DNAJC12: variants seen among roughly 807,000 people sequenced by gnomAD.
DNAJC12 encodes dnaJ homolog subfamily C member 12.
DNAJC12 carries 25 observed loss-of-function variants against 28.5 expected under a neutral mutation model. The observed-to-expected ratio is 0.88, with a 90% CI of 0.64 to 1.22. The LOEUF is 1.22. Among genes scored for constraint, DNAJC12 ranks in the 50% most tolerant of loss-of-function variants. The probability of loss-of-function intolerance (pLI) is 0.00; values close to 1 mark genes in which losing one functional copy is unlikely to be tolerated. For synonymous variants in DNAJC12, 77 were observed against 80.6 expected (o/e 0.95, Z 0.24); for missense variants, 222 against 231.7 (o/e 0.96, Z 0.27).
chr10:67,824,195 C>A (rs1399326240), intron 1 of DNAJC12, among the ~76,000 whole-genome samples: 1 of 150,418 alleles, frequency 6.6e-6, no homozygotes, highest in Non-Finnish European at 1.5e-5. Context: ...AAGATCACAC[C>A]ACTGCACTCC....
intron 2 of DNAJC12, among the ~76,000 whole-genome samples, chr10:67,819,700 AAGGAAGGAAGGAAGGAAGC>A (rs1564863284): frequency 0.015 from 308 of 20,926 alleles, 32 homozygotes; most frequent in African/African-American, 0.033. Flanking sequence ...GAAAGAAAGG[AAGGAAGGAAGGAAGGAAGC>A]AAGGAAGGAA....
intron 4 of DNAJC12, among the ~76,000 whole-genome samples, chr10:67,798,992 T>C (rs1004767361): frequency 6.6e-6 from 1 of 152,068 alleles, no homozygotes; most frequent in African/African-American, 2.4e-5. Flanking sequence ...CTCAAATTCC[T>C]GACCTCAGGT....
At chr10:67,825,114 A>C (rs1462835714) in intron 1 of DNAJC12, among the ~76,000 whole-genome samples, 2 of 152,210 alleles carry the variant, frequency 1.3e-5, no homozygotes, top group African/African-American at 4.8e-5. Context: ...AGGTTTACTC[A>C]TCTTTACATC....
intron 1 of DNAJC12, among the ~76,000 whole-genome samples, chr10:67,834,690 A>T (rs1054105960): frequency 6.6e-6 from 1 of 152,170 alleles, no homozygotes; most frequent in African/African-American, 2.4e-5. Context: ...AGCTGGGCAT[A>T]GTGGCATGCA....
chr10:67,806,072 A>C (rs953994291), intron 3 of DNAJC12, among the ~76,000 whole-genome samples: 2 of 152,214 alleles, frequency 1.3e-5, no homozygotes, highest in African/African-American at 4.8e-5. Flanking sequence ...GAATGAATGG[A>C]GGGATGGATG....
At chr10:67,832,265 C>CAAAAAAAA in intron 1 of DNAJC12, among the ~76,000 whole-genome samples, 1 of 67,408 alleles carries the variant, frequency 1.5e-5, no homozygotes, top group Non-Finnish European at 3.0e-5. Context: ...AACTCCATCT[C>CAAAAAAAA]AAAAAAAAAA....
At chr10:67,836,820 C>A (rs573948743) in intron 1 of DNAJC12, among the ~76,000 whole-genome samples, 1 of 151,498 alleles carries the variant, frequency 6.6e-6, no homozygotes, top group East Asian at 1.9e-4. Context: ...TGAACTACTG[C>A]CTTTATGAAA....
At chr10:67,800,368 C>T (rs1035057568) in intron 4 of DNAJC12, among the ~76,000 whole-genome samples, 1 of 152,026 alleles carries the variant, frequency 6.6e-6, no homozygotes, top group Non-Finnish European at 1.5e-5. Flanking sequence ...CAAATGATCC[C>T]ACTGGGGAAC....
intron 1 of DNAJC12, among the ~76,000 whole-genome samples, chr10:67,830,786 A>G (rs2131815018): frequency 6.6e-6 from 1 of 152,312 alleles, no homozygotes; most frequent in African/African-American, 2.4e-5. Flanking sequence ...AAATCAAGAC[A>G]TAGAAAAATT....
At chr10:67,798,827 G>A (rs1021186680) in intron 4 of DNAJC12, among the ~76,000 whole-genome samples, 14 of 149,048 alleles carry the variant, frequency 9.4e-5, no homozygotes, top group Admixed American at 7.4e-4. Context: ...GTGCAATGGC[G>A]CGATCTCAGC....
chr10:67,829,556 G>C (rs1382712726), intron 1 of DNAJC12, among the ~76,000 whole-genome samples: 1 of 152,164 alleles, frequency 6.6e-6, no homozygotes, highest in Non-Finnish European at 1.5e-5. Context: ...AAGGAGAATG[G>C]CGTGAATCTG....
intron 4 of DNAJC12, among the ~76,000 whole-genome samples, chr10:67,803,472 T>C (rs1363550740): frequency 1.3e-5 from 2 of 152,256 alleles, no homozygotes; most frequent in African/African-American, 2.4e-5. Flanking sequence ...AACCTGGCTA[T>C]ATATGATTCT....
At chr10:67,801,671 T>A (rs1450952423) in intron 4 of DNAJC12, among the ~76,000 whole-genome samples, 2 of 151,476 alleles carry the variant, frequency 1.3e-5, no homozygotes, top group East Asian at 3.9e-4. Flanking sequence ...GTGCCTGTAA[T>A]CCCAGCTACT....
At position 67,818,307 on chromosome 10, in the gene DNAJC12, C is replaced by T. The variant is rs531400327; in HGVS notation, c.157+5007G>A. Among the ~76,000 whole-genome samples the T allele has an allele frequency of 4.6e-5, 7 of 152,260 alleles. No individual in the cohort carries two copies. The South Asian group carries it at 1.2e-3, about 27-fold the overall frequency. On this transcript the variant is annotated intron_variant, in intron 2 of 4. Coordinates refer to ENST00000225171, the MANE Select transcript of DNAJC12 (RefSeq NM_021800.3). Reference sequence around the variant, plus strand: ...GTTGTATTAATGAAAACTGAGTAAACGGATGCTTAAATAGATTAAAAAACA... The same window carrying T: ...GTTGTATTAATGAAAACTGAGTAAATGGATGCTTAAATAGATTAAAAAACA...
intron 2 of DNAJC12, chr10:67,816,132 AC>A (rs1841913669): frequency 2.5e-6 from 1 of 398,460 alleles, no homozygotes; most frequent in South Asian, 1.3e-4. Context: ...TCCTGGGTCT[AC>A]CTTCAAAATA....
chr10:67,797,043 C>T lies in DNAJC12; in HGVS notation c.*73G>A. On this transcript the variant is annotated 3_prime_UTR_variant, in exon 5 of 5. Coordinates refer to ENST00000225171, the MANE Select transcript of DNAJC12 (RefSeq NM_021800.3). ...TGACATAAACATGACATTTTTAAGA[C>T]ATAAACAAAGACTGCATGTTGGCAG... 1.7e-6 allele frequency: 2 copies of T among 1,166,218 alleles called. No homozygotes were observed. The highest frequency in any genetic ancestry group is 2.5e-5 in the East Asian group (1 of 40,218). 72.2% of individuals were successfully genotyped at this position (1,166,218 alleles called of 1,614,324 possible). A position where few individuals can be genotyped will look rare whatever the true frequency, so the allele number is the denominator to read the frequency against.
chr10:67,806,834 A>G (rs1841807016), intron 3 of DNAJC12, among the ~76,000 whole-genome samples: 1 of 151,904 alleles, frequency 6.6e-6, no homozygotes, highest in Admixed American at 6.6e-5. Flanking sequence ...CAAAAAAAAA[A>G]AAAAAGAAAA....
At chr10:67,806,824 C>CAA (rs11364394) in intron 3 of DNAJC12, among the ~76,000 whole-genome samples, 12 of 122,046 alleles carry the variant, frequency 9.8e-5, no homozygotes, top group African/African-American at 3.3e-4. Context: ...GACTCGGTCT[C>CAA]AAAAAAAAAA....
chr10:67,827,502 A>C (rs1039845775), intron 1 of DNAJC12: 3 of 152,254 alleles, frequency 2.0e-5, no homozygotes, highest in African/African-American at 7.2e-5. Context: ...AGCCTGATCA[A>C]CATGGTGAAA....
Sources: allele counts gnomAD v4.1 joint callset (sites outside exome capture counted in the v4.1 genomes callset), GRCh38; gene constraint gnomAD v4.1.1; transcripts MANE v1.5; gene names NCBI Gene and HGNC (gene_info 2026-07-23, HGNC 2026-07-21).